The following CUL1 variants were observed in gnomAD, a reference collection of about 807,000 sequenced individuals.
The protein encoded by CUL1 is cullin-1.
A neutral mutation model predicts 118.0 loss-of-function variants in CUL1; 24 were observed. That is an observed-to-expected ratio of 0.20 (90% confidence interval 0.15 to 0.29). The LOEUF is 0.29. Ranked by LOEUF, CUL1 falls within the 10% of genes least tolerant of loss-of-function variation. The pLI is 1.00. For missense variants in CUL1, 361 were observed against 933.8 expected, an observed-to-expected ratio of 0.39 and a Z score of 7.99; for synonymous variants, 332 against 340.4, an observed-to-expected ratio of 0.98 and a Z score of 0.27.
At chr7:148,699,587 G>C (rs900314746) in intron 1 of CUL1, among the ~76,000 whole-genome samples, 1 of 152,180 alleles carries the variant, frequency 6.6e-6, no homozygotes, top group African/African-American at 2.4e-5. Flanking sequence ...GGGCTCTCTC[G>C]CTTTCCGGTT....
chr7:148,717,840 C>T (rs1361162751), intron 1 of CUL1, among the ~76,000 whole-genome samples: 4 of 152,242 alleles, frequency 2.6e-5, no homozygotes, highest in Admixed American at 6.5e-5. Context: ...TAGCCTGAAA[C>T]GACTTCTTTC....
At chr7:148,793,604 C>T (rs1053788780) in intron 17 of CUL1, among the ~76,000 whole-genome samples, 1 of 152,176 alleles carries the variant, frequency 6.6e-6, no homozygotes, top group Non-Finnish European at 1.5e-5. Flanking sequence ...AAGGTTTGCC[C>T]ATGTTCTAGC....
chr7:148,736,095 G>T (rs1244610507), intron 2 of CUL1, among the ~76,000 whole-genome samples: 1 of 151,498 alleles, frequency 6.6e-6, no homozygotes, highest in Non-Finnish European at 1.5e-5. Context: ...AAACACTTGC[G>T]CCTGGGAGGT....
intron 1 of CUL1, among the ~76,000 whole-genome samples, chr7:148,716,357 C>A (rs1175749203): frequency 6.6e-6 from 1 of 152,136 alleles, no homozygotes; most frequent in African/African-American, 2.4e-5. Context: ...TAATGAAAAT[C>A]TTTGTGATTT....
intron 2 of CUL1, among the ~76,000 whole-genome samples, chr7:148,740,361 G>T (rs1799103312): frequency 6.6e-6 from 1 of 152,026 alleles, no homozygotes; most frequent in African/African-American, 2.4e-5. Context: ...AGCCTTAATG[G>T]CTCTGAGATC....
At chr7:148,704,319 CTACT>C (rs1797815826) in intron 1 of CUL1, among the ~76,000 whole-genome samples, 2 of 152,064 alleles carry the variant, frequency 1.3e-5, no homozygotes, top group Admixed American at 6.5e-5. Flanking sequence ...AAAAAATGAA[CTACT>C]TATGGTGAAG....
Position 148,800,645 on chromosome 7 carries a change from ACAACT to A in CUL1, c.*67_*71del. The A allele has an allele frequency of 7.3e-7, 1 of 1,366,930 alleles. No individual in the cohort carries two copies. The highest frequency in any genetic ancestry group is 1.0e-6 in the Non-Finnish European group (1 of 966,522). The allele number at this position is 1,366,930 out of a possible 1,614,324, so 84.7% of individuals were successfully genotyped here. A position where few individuals can be genotyped will look rare whatever the true frequency, so the allele number is the denominator to read the frequency against. On this transcript the variant is annotated 3_prime_UTR_variant, in exon 22 of 22. Coordinates refer to ENST00000325222, the MANE Select transcript of CUL1 (RefSeq NM_003592.3). The surrounding 1 kb of genome is among the most constrained non-coding windows in gnomAD (Gnocchi z 4.6). The stretch of plus-strand genomic sequence containing the variant: ...ATAGTTCATGTTGGAAAGAATGAAA[ACAACT>A]CAAGTTCATAGCAGCCAGCCTGCCG...
In CUL1 at chr7:148,787,367, C is replaced by G. The variant is rs1380574707; in HGVS notation, c.1479+247C>G. ...GTCCCAGCTACTTGGGAGGCTGAGG[C>G]AGGAGAATGGCATGAACCCGGGAGG... On this transcript the variant is annotated intron_variant, in intron 13 of 21. Transcript: ENST00000325222. This position sits in a 1 kb window ranked among gnomAD's most constrained non-coding sequence, Gnocchi z 5.5. Among the ~76,000 whole-genome samples, 3 of 152,004 alleles carry G rather than the reference C, an allele frequency of 2.0e-5. No individual in the cohort carries two copies. The highest frequency in any genetic ancestry group is 2.0e-4 in the Admixed American group (3 of 15,256).
Position 148,798,030 on chromosome 7 carries a change from T to C in CUL1, c.2030+11T>C, listed in dbSNP as rs370612847. On this transcript the variant is annotated intron_variant, in intron 19 of 21. Transcript: ENST00000325222. ...TCTTGGTTATAAAAAGTAAGAAAAATCTAATAAGTAGATGGCCCTTGACCA... is the reference window on the plus strand; with the variant it reads ...TCTTGGTTATAAAAAGTAAGAAAAACCTAATAAGTAGATGGCCCTTGACCA... The C allele has an allele frequency of 5.3e-6, 8 of 1,512,750 alleles. No individual in the cohort carries two copies. The African/African-American group carries it at 6.9e-5, about 13-fold the overall frequency. The allele number at this position is 1,512,750 out of a possible 1,614,324, so 93.7% of individuals were successfully genotyped here. A position where few individuals can be genotyped will look rare whatever the true frequency, so the allele number is the denominator to read the frequency against.
At chr7:148,705,798 A>C (rs1251526793) in intron 1 of CUL1, among the ~76,000 whole-genome samples, 1 of 152,198 alleles carries the variant, frequency 6.6e-6, no homozygotes, top group African/African-American at 2.4e-5. Flanking sequence ...ATCTATAGGA[A>C]CTTGGAGACT....
intron 21 of CUL1, 117 bp downstream of exon 21, chr7:148,799,505 T>A: frequency 1.5e-6 from 1 of 657,620 alleles, no homozygotes; most frequent in Non-Finnish European, 2.6e-6. Context: ...TCTTTGTATG[T>A]AGATTTCTAT....
At chr7:148,796,843 A>C (rs953655105) in intron 17 of CUL1, among the ~76,000 whole-genome samples, 1 of 152,192 alleles carries the variant, frequency 6.6e-6, no homozygotes, top group African/African-American at 2.4e-5. Flanking sequence ...TGCAGTGGGC[A>C]GTATTCGAAT....
At position 148,760,478 on chromosome 7, in the gene CUL1, T is replaced by A. The variant is rs1422296115; in HGVS notation, c.771T>A (p.Val257=). ...ESTEFLQQNP[V]TEYMKKAEAR... ...CTGAATTCTTGCAGCAGAACCCAGT[T>A]ACTGAATATATGAAAAAGGTAAGCT... is the stretch of plus-strand genomic sequence containing the variant. Residue 257 remains valine (V), a synonymous_variant, in exon 7 of 22, where the codon GTT becomes GTA. Transcript: ENST00000325222. The A allele has an allele frequency of 1.2e-6, 2 of 1,609,230 alleles. No individual in the cohort carries two copies. Among genetic ancestry groups the A allele is most frequent in the Admixed American group, 3.4e-5 (2 of 58,954 alleles).
At chr7:148,774,659 A>G (rs1358842169) in intron 9 of CUL1, among the ~76,000 whole-genome samples, 1 of 152,218 alleles carries the variant, frequency 6.6e-6, no homozygotes, top group Non-Finnish European at 1.5e-5. Context: ...AAAAAGCACA[A>G]GTCCTCTTTG....
chr7:148,700,889 C>T (rs1407173372), intron 1 of CUL1, among the ~76,000 whole-genome samples: 1 of 152,200 alleles, frequency 6.6e-6, no homozygotes, highest in East Asian at 1.9e-4. Flanking sequence ...CAGCCCCACC[C>T]CCCACTCCTA....
Position 148,738,920 on chromosome 7 carries a change from G to A in CUL1, c.140+8658G>A, listed in dbSNP as rs528770645. Among the ~76,000 whole-genome samples, 11 of 152,174 alleles carry A rather than the reference G, an allele frequency of 7.2e-5. No individual in the cohort carries two copies. In the South Asian group the frequency reaches 2.1e-3, roughly 29 times the overall value. On this transcript the variant is annotated intron_variant, in intron 2 of 21. Transcript: ENST00000325222. ...AATGATTTATGAACACTTAATTTGTGTGCATGTTGAGGCAACAGGTGGTGA... is the reference window on the plus strand; with the variant it reads ...AATGATTTATGAACACTTAATTTGTATGCATGTTGAGGCAACAGGTGGTGA...
chr7:148,783,282 G>GGCA, intron 9 of CUL1: 1 of 972,712 alleles, frequency 1.0e-6, no homozygotes, highest in Non-Finnish European at 1.2e-6. Flanking sequence ...CCTGGCCCCC[G>GGCA]GCATCGCCAC....
At chr7:148,725,479 C>T (rs983137945) in intron 1 of CUL1, among the ~76,000 whole-genome samples, 4 of 152,230 alleles carry the variant, frequency 2.6e-5, no homozygotes, top group East Asian at 1.9e-4. Context: ...CCTCTGGCAA[C>T]GCTTGTTACA....
intron 1 of CUL1, among the ~76,000 whole-genome samples, chr7:148,704,506 A>G (rs1797823111): frequency 1.3e-5 from 2 of 152,216 alleles, no homozygotes; most frequent in Non-Finnish European, 2.9e-5. Flanking sequence ...TACTAGATTA[A>G]TATTCTGTCC....
Sources: allele counts gnomAD v4.1 joint callset (sites outside exome capture counted in the v4.1 genomes callset), GRCh38; gene constraint gnomAD v4.1.1; non-coding constraint Gnocchi (gnomAD v3.1); transcripts MANE v1.5; gene names NCBI Gene and HGNC (gene_info 2026-07-23, HGNC 2026-07-21).